The following ECT2 variants were observed in gnomAD, a reference collection of about 807,000 sequenced individuals.
ECT2 encodes the protein epithelial cell transforming 2, also known as protein ECT2.
Under a neutral mutation model 116.9 loss-of-function variants are expected in ECT2, and 61 were observed. The ratio of observed to expected loss-of-function variants is 0.52; its 90% CI spans 0.42 to 0.65. The LOEUF (loss-of-function observed/expected upper bound fraction) is 0.65, where lower values mean the gene tolerates loss of function less well. Ranked by LOEUF, ECT2 falls within the 30% of genes least tolerant of loss-of-function variation. ECT2 has a pLI of 0.00. For missense variants in ECT2, 937 were observed against 1,078.7 expected, an observed-to-expected ratio of 0.87 and a Z score of 1.84; for synonymous variants, 358 against 346.4, an observed-to-expected ratio of 1.03 and a Z score of -0.37.
At chr3:172,804,485 C>T (rs1429977243) in intron 20 of ECT2, among the ~76,000 whole-genome samples, 1 of 152,138 alleles carries the variant, frequency 6.6e-6, no homozygotes, top group East Asian at 1.9e-4. Flanking sequence ...GGACTTTAGC[C>T]TGCCCTGATT....
intron 22 of ECT2, among the ~76,000 whole-genome samples, chr3:172,809,178 A>G (rs1728283048): frequency 6.6e-6 from 1 of 152,122 alleles, no homozygotes; most frequent in South Asian, 2.1e-4. Context: ...TCTTATCAGA[A>G]TGTCAGACTA....
intron 2 of ECT2, among the ~76,000 whole-genome samples, 173 bp downstream of exon 2, chr3:172,754,833 G>A (rs768907305): frequency 6.6e-6 from 1 of 151,994 alleles, no homozygotes; most frequent in Non-Finnish European, 1.5e-5. Context: ...TTATTATTTG[G>A]GTTATTTGTA....
chr3:172,793,633 T>G (rs1257342799), intron 18 of ECT2, among the ~76,000 whole-genome samples: 1 of 152,006 alleles, frequency 6.6e-6, no homozygotes, highest in African/African-American at 2.4e-5. Flanking sequence ...CCAGCTAATT[T>G]TAGTATTTTT....
intron 14 of ECT2, among the ~76,000 whole-genome samples, chr3:172,777,820 A>G (rs1488386599): frequency 1.3e-5 from 2 of 152,116 alleles, no homozygotes; most frequent in Admixed American, 1.3e-4. Context: ...GATCGCTTGA[A>G]CCCAGGAGGC....
chr3:172,751,325 C>T (rs1393198120), intron 1 of ECT2, among the ~76,000 whole-genome samples: 1 of 152,242 alleles, frequency 6.6e-6, no homozygotes, highest in Non-Finnish European at 1.5e-5. Flanking sequence ...TCCCCAGCCA[C>T]CCGGCACAGA....
Position 172,794,969 on chromosome 3 carries a change from C to G in ECT2, c.1908-7647C>G, listed in dbSNP as rs186490799. Among the ~76,000 whole-genome samples the G allele has an allele frequency of 2.3e-3, 354 of 152,176 alleles. 2 individuals are homozygous for G. The highest frequency in any genetic ancestry group is 8.1e-3 in the African/African-American group (338 of 41,530). On this transcript the variant is annotated intron_variant, in intron 18 of 24. Coordinates refer to ENST00000392692, the MANE Select transcript of ECT2 (RefSeq NM_001258315.2). Reference sequence around the variant, plus strand: ...TCAGATGATCCACCCACCTTGGCCTCCCAAAGTTCTTCGATTACAGGCATG... The same window carrying G: ...TCAGATGATCCACCCACCTTGGCCTGCCAAAGTTCTTCGATTACAGGCATG...
At chr3:172,751,490 C>T (rs1010142193) in intron 1 of ECT2, among the ~76,000 whole-genome samples, 9 of 152,158 alleles carry the variant, frequency 5.9e-5, no homozygotes, top group Admixed American at 2.0e-4. Context: ...ATAATAGTAC[C>T]TGCCTCTTAG....
At chr3:172,791,750 A>G (rs1380414906) in intron 18 of ECT2, among the ~76,000 whole-genome samples, 3 of 152,186 alleles carry the variant, frequency 2.0e-5, no homozygotes, top group Non-Finnish European at 4.4e-5. Flanking sequence ...TCATATCAGT[A>G]TTAAGGTTGT....
chr3:172,752,816 A>C (rs553298944), intron 1 of ECT2, among the ~76,000 whole-genome samples: 3 of 152,194 alleles, frequency 2.0e-5, no homozygotes, highest in Non-Finnish European at 4.4e-5. Flanking sequence ...TGTGTGTTCC[A>C]CCAATGTGGA....
rs1339843799 is a variant in ECT2, at chr3:172,805,815, C to G, written c.2191C>G (p.His731Asp). The G allele has an allele frequency of 6.2e-7, 1 of 1,613,834 alleles. No homozygotes were observed. The highest frequency in any genetic ancestry group is 1.1e-5 in the South Asian group (1 of 91,068). ...TRPPASLKHI[H>D]LMPLSQIKKV... ...ACCCCCAGCTTCTCTTAAGCATATT[C>G]ACCTAATGCCTCTTTCTCAGATTAA... The change falls in exon 21 of 25, where the codon CAC becomes GAC. Residue 731 changes from histidine (H) to aspartate (D), a missense_variant. Transcript: ENST00000392692.
At chr3:172,819,221 T>A (rs1472814611) in intron 24 of ECT2, among the ~76,000 whole-genome samples, 1 of 152,100 alleles carries the variant, frequency 6.6e-6, no homozygotes, top group Non-Finnish European at 1.5e-5. Flanking sequence ...TTATACTTCA[T>A]CAACCCAGCT....
chr3:172,798,644 C>G (rs11923528), intron 18 of ECT2, among the ~76,000 whole-genome samples: 9,349 of 152,116 alleles, frequency 0.061, 966 homozygotes, highest in African/African-American at 0.21. Flanking sequence ...TTAAGAAAAT[C>G]TCTCTCAAGC....
chr3:172,783,582 T>A (rs1723093085), intron 15 of ECT2, among the ~76,000 whole-genome samples: 1 of 152,122 alleles, frequency 6.6e-6, no homozygotes, highest in African/African-American at 2.4e-5. Context: ...AGTCTTCCTG[T>A]TTTAGACTAT....
intron 5 of ECT2, among the ~76,000 whole-genome samples, chr3:172,758,106 T>A (rs1271067358): frequency 6.6e-6 from 1 of 152,100 alleles, no homozygotes; most frequent in Non-Finnish European, 1.5e-5. Flanking sequence ...GTTATCTTCC[T>A]GCCTCTGCCT....
intron 14 of ECT2, among the ~76,000 whole-genome samples, chr3:172,781,265 T>A (rs771482325): frequency 6.6e-6 from 1 of 152,232 alleles, no homozygotes; most frequent in Non-Finnish European, 1.5e-5. Context: ...TCTGGCTTAA[T>A]AGAAGACTGA....
intron 8 of ECT2, 82 bp downstream of exon 8, chr3:172,761,765 A>G (rs1338720622): frequency 1.1e-6 from 1 of 921,552 alleles, no homozygotes; most frequent in Non-Finnish European, 1.7e-6. Context: ...GAAAAAAGTA[A>G]TTTCATAGAT....
chr3:172,784,825 A>G (rs769186131), intron 17 of ECT2, 22 bp downstream of exon 17: 21 of 1,356,680 alleles, frequency 1.5e-5, no homozygotes, highest in African/African-American at 1.4e-5. Context: ...ATCTGTTTCA[A>G]ACTACATCAG....
intron 12 of ECT2, among the ~76,000 whole-genome samples, chr3:172,767,404 G>T (rs1719672960): frequency 6.6e-6 from 1 of 151,934 alleles, no homozygotes; most frequent in South Asian, 2.1e-4. Flanking sequence ...TGGCACCACT[G>T]CACTCCAGCC....
chr3:172,818,779 C>T, intron 24 of ECT2: 1 of 1,274,696 alleles, frequency 7.8e-7, no homozygotes, highest in Non-Finnish European at 1.0e-6. Context: ...GGAGATTTGC[C>T]AACCACTAAT....
Sources: gnomAD v4.1 joint callset for allele counts (sites outside exome capture counted in the v4.1 genomes callset) on GRCh38, gnomAD v4.1.1 for gene constraint, MANE v1.5 for transcripts, NCBI Gene and HGNC (gene_info 2026-07-23, HGNC 2026-07-21) for gene names.